Variants in UGT1A6 observed in about 807,000 individuals in gnomAD.
UGT1A6 encodes UDP glucuronosyltransferase family 1 member A6.
In UGT1A6, 32 loss-of-function variants were observed where a neutral mutation model predicts 44.4. The ratio of observed to expected loss-of-function variants is 0.72; its 90% CI spans 0.54 to 0.97. The LOEUF (loss-of-function observed/expected upper bound fraction) is 0.97, where lower values mean the gene tolerates loss of function less well. UGT1A6 is among the 50% of genes least tolerant of loss of function. The probability of loss-of-function intolerance (pLI) is 0.00; values close to 1 mark genes in which losing one functional copy is unlikely to be tolerated. For missense variants in UGT1A6, 685 were observed against 661.9 expected (o/e 1.03, Z -0.38); for synonymous variants, 238 against 248.5 (o/e 0.96, Z 0.40).
chr2:233,743,915 A>G (rs769255302), intron 1 of UGT1A6: 3 of 1,364,544 alleles, frequency 2.2e-6, no homozygotes, highest in East Asian at 4.6e-5. Flanking sequence ...GTAGTCCACC[A>G]TGCTGGATGG....
At chr2:233,734,972 G>C (rs1474652770) in intron 1 of UGT1A6, among the ~76,000 whole-genome samples, 2 of 152,238 alleles carry the variant, frequency 1.3e-5, no homozygotes, top group East Asian at 1.9e-4. Context: ...ATGTGGTGCT[G>C]AGAAGAATGT....
chr2:233,772,103 A>G (rs1436143050), intron 4 of UGT1A6, among the ~76,000 whole-genome samples, 159 bp from the exon 5 acceptor site: 1 of 152,162 alleles, frequency 6.6e-6, no homozygotes, highest in East Asian at 1.9e-4. Context: ...ACAGGGCAAG[A>G]CTCTGTATCT....
chr2:233,722,716 G>A (rs952694849), intron 1 of UGT1A6, among the ~76,000 whole-genome samples: 1 of 151,988 alleles, frequency 6.6e-6, no homozygotes, highest in Non-Finnish European at 1.5e-5. Flanking sequence ...TTAAATATCA[G>A]TTTTTAAATT....
rs563235726 is a variant in UGT1A6 at position 233,693,521 on chromosome 2, G to A, written c.517G>A (p.Gly173Ser). The stretch of plus-strand genomic sequence containing the variant: ...CCTACCATCTGTGTACCTCTTCAGG[G>A]GTTTTCCGTGTTCCCTGGAGCATAC... ...LGLPSVYLFR[G>S]FPCSLEHTFS... Residue 173 changes from glycine (G) to serine (S), a missense_variant, in exon 1 of 5, where the codon GGT becomes AGT. By Grantham distance (56) the Gly-to-Ser change is moderately conservative. Transcript: ENST00000305139. The A allele has an allele frequency of 6.2e-7, 1 of 1,614,156 alleles. No homozygotes were observed. The highest frequency in any genetic ancestry group is 1.3e-5 in the African/African-American group (1 of 75,016).
At chr2:233,717,367 G>C (rs1460875817) in intron 1 of UGT1A6, among the ~76,000 whole-genome samples, 2 of 152,204 alleles carry the variant, frequency 1.3e-5, no homozygotes, top group African/African-American at 4.8e-5. Context: ...GAGTTCTCAA[G>C]CCCTTACAGA....
chr2:233,696,858 T>C (rs1432806664), intron 1 of UGT1A6, among the ~76,000 whole-genome samples: 1 of 152,170 alleles, frequency 6.6e-6, no homozygotes, highest in Admixed American at 6.5e-5. Flanking sequence ...TTGTTGAATG[T>C]TTTTTCAGCA....
At chr2:233,725,201 G>GGCAGAGGCAGAA (rs2077389297) in intron 1 of UGT1A6, among the ~76,000 whole-genome samples, 6 of 93,006 alleles carry the variant, frequency 6.5e-5, no homozygotes, top group African/African-American at 5.2e-4. Context: ...CAGAGGCAGA[G>GGCAGAGGCAGAA]GCAGAGGCAG....
At chr2:233,755,813 A>T (rs1317393692) in intron 1 of UGT1A6, 3 of 152,236 alleles carry the variant, frequency 2.0e-5, no homozygotes, top group African/African-American at 7.2e-5. Context: ...TTAAAACAGA[A>T]TTAAAAAGAC....
intron 1 of UGT1A6, chr2:233,753,260 C>T (rs917926378): frequency 2.6e-5 from 4 of 152,220 alleles, no homozygotes; most frequent in African/African-American, 9.6e-5. Context: ...ACTACCCAGG[C>T]ACCTTGGAGC....
chr2:233,704,856 G>A (rs375142414), intron 1 of UGT1A6, among the ~76,000 whole-genome samples: 6 of 151,976 alleles, frequency 3.9e-5, no homozygotes, highest in East Asian at 1.9e-4. Context: ...GAATAGGGCC[G>A]GGCACGGTGG....
At chr2:233,762,940 A>G (rs1474565729) in intron 1 of UGT1A6, among the ~76,000 whole-genome samples, 1 of 152,236 alleles carries the variant, frequency 6.6e-6, no homozygotes, top group Admixed American at 6.5e-5. Context: ...AAACAGTTGA[A>G]TAATTCTGGC....
At chr2:233,704,941 G>C (rs188324703) in intron 1 of UGT1A6, among the ~76,000 whole-genome samples, 1 of 152,254 alleles carries the variant, frequency 6.6e-6, no homozygotes, top group East Asian at 1.9e-4. Context: ...ATCAAGACCA[G>C]CCTGGCCAAC....
intron 1 of UGT1A6, among the ~76,000 whole-genome samples, chr2:233,724,320 G>T (rs1387925983): frequency 6.8e-6 from 1 of 147,864 alleles, no homozygotes; most frequent in Non-Finnish European, 1.5e-5. Flanking sequence ...GGACGGGGCG[G>T]CTGGCCAGGC....
rs1196693906 is a variant in UGT1A6, at chr2:233,693,661, C to T, written c.657C>T (p.Pro219=). 1 of 1,614,126 alleles carries T rather than the reference C, an allele frequency of 6.2e-7. No homozygotes were observed. Among genetic ancestry groups the T allele is most frequent in the East Asian group, 2.2e-5 (1 of 44,888 alleles). Residue 219 remains proline (P), a synonymous_variant, in exon 1 of 5, where the codon CCC becomes CCT. Coordinates refer to ENST00000305139, the MANE Select transcript of UGT1A6 (RefSeq NM_001072.4). The part of the protein sequence containing the change: ...VANFLVNLLE[P]YLFYCLFSKY... ...ACTTCCTTGTTAATTTGTTGGAGCC[C>T]TATCTATTTTATTGTCTGTTTTCAA...
rs62191902 is a variant in UGT1A6, at chr2:233,724,813, C to G, written c.861+30948C>G. On this transcript the variant is annotated intron_variant, in intron 1 of 4. Coordinates refer to ENST00000305139, the MANE Select transcript of UGT1A6 (RefSeq NM_001072.4). ...AGACGGGGTGGCGGCCGGGCAGAGG[C>G]TGCAATCTCGGCACTTTGGGAGGCC... Among the ~76,000 whole-genome samples, 218 of 137,754 alleles carry G rather than the reference C, an allele frequency of 1.6e-3. 8 individuals carry two copies. The highest frequency in any genetic ancestry group is 2.4e-3 in the Non-Finnish European group (154 of 64,732). 90.4% of individuals were successfully genotyped at this position (137,754 alleles called of 152,430 possible).
At chr2:233,752,573 T>C (rs1337077118) in intron 1 of UGT1A6, 4 of 152,170 alleles carry the variant, frequency 2.6e-5, no homozygotes, top group Admixed American at 2.6e-4. Flanking sequence ...TGGGTCAACA[T>C]CATTCCCATC....
intron 1 of UGT1A6, among the ~76,000 whole-genome samples, chr2:233,707,192 G>A (rs539845894): frequency 4.3e-4 from 66 of 152,052 alleles, no homozygotes; most frequent in Admixed American, 7.2e-4. Flanking sequence ...CCTGCCCTCC[G>A]TTCTATTCCC....
chr2:233,702,667 T>C (rs1575474362), intron 1 of UGT1A6, among the ~76,000 whole-genome samples: 2 of 152,194 alleles, frequency 1.3e-5, no homozygotes, highest in South Asian at 4.1e-4. Context: ...AGTATTCTTA[T>C]CATACCTGAG....
intron 1 of UGT1A6, chr2:233,717,944 C>T (rs897150817): frequency 6.0e-5 from 27 of 453,468 alleles, no homozygotes; most frequent in African/African-American, 3.6e-4. Context: ...TCTATGCAGA[C>T]TTGCAGAAGA....
Sources: allele counts gnomAD v4.1 joint callset (sites outside exome capture counted in the v4.1 genomes callset), GRCh38; gene constraint gnomAD v4.1.1; transcripts MANE v1.5; gene names NCBI Gene and HGNC (gene_info 2026-07-23, HGNC 2026-07-21).